Variants in ANO3 observed in about 807,000 individuals in gnomAD.
ANO3 encodes anoctamin 3, also known as anoctamin-3.
A neutral mutation model predicts 144.8 loss-of-function variants in ANO3; 99 were observed. The ratio of observed to expected loss-of-function variants is 0.68; its 90% CI spans 0.58 to 0.81. The LOEUF (loss-of-function observed/expected upper bound fraction) is 0.81, where lower values mean the gene tolerates loss of function less well. Ranked by LOEUF, ANO3 falls within the 30% of genes least tolerant of loss-of-function variation. ANO3 has a pLI of 0.00. For synonymous variants in ANO3, 414 were observed against 392.6 expected, an observed-to-expected ratio of 1.05 and a Z score of -0.64; for missense variants, 905 against 1,202.2, an observed-to-expected ratio of 0.75 and a Z score of 3.66.
At chr11:26,433,170 G>A (rs866636335) in intron 1 of ANO3, among the ~76,000 whole-genome samples, 8 of 152,092 alleles carry the variant, frequency 5.3e-5, no homozygotes, top group Non-Finnish European at 7.4e-5. Context: ...GAAAGGGATT[G>A]TGTTCCTGAT....
At chr11:26,392,237 GC>G (rs1198886389) in intron 1 of ANO3, among the ~76,000 whole-genome samples, 1 of 114,104 alleles carries the variant, frequency 8.8e-6, no homozygotes, top group Non-Finnish European at 1.7e-5. Context: ...GTGAATTCCT[GC>G]CTTTTTTTTT....
chr11:26,560,925 G>T, intron 14 of ANO3: 1 of 801,680 alleles, frequency 1.2e-6, no homozygotes, highest in Non-Finnish European at 1.9e-6. Context: ...CTACATTTCT[G>T]CTACTGGTCT....
chr11:26,523,176 A>T lies in ANO3; in HGVS notation c.693-2459A>T, dbSNP rs550682944. 1.6e-4 allele frequency among the ~76,000 whole-genome samples: 24 copies of T among 152,280 alleles called. No individual in the cohort carries two copies. The South Asian group carries it at 4.8e-3, about 30-fold the overall frequency. On this transcript the variant is annotated intron_variant, in intron 6 of 26. Transcript: ENST00000256737. ...CAGATCTCGTGAGAACTCACTCACT[A>T]TCATGAGAACAGCTTGGGGGAAACC...
intron 1 of ANO3, among the ~76,000 whole-genome samples, chr11:26,227,505 G>T (rs1301597587): frequency 1.3e-5 from 2 of 152,148 alleles, no homozygotes; most frequent in African/African-American, 2.4e-5. Context: ...ATTAGTAAAT[G>T]CTGTGAAACC....
intron 4 of ANO3, among the ~76,000 whole-genome samples, chr11:26,493,764 C>T (rs775952868): frequency 7.2e-5 from 11 of 152,020 alleles, no homozygotes; most frequent in Non-Finnish European, 1.0e-4. Flanking sequence ...CTTTCTCCTC[C>T]TCCTTCTTGT....
At chr11:26,355,483 G>T (rs930147106) in intron 1 of ANO3, among the ~76,000 whole-genome samples, 1 of 150,740 alleles carries the variant, frequency 6.6e-6, no homozygotes, top group Non-Finnish European at 1.5e-5. Flanking sequence ...TTCTCTGAAA[G>T]AACTCATTCA....
intron 14 of ANO3, chr11:26,565,623 T>G (rs766073557): frequency 1.2e-6 from 2 of 1,612,500 alleles, no homozygotes; most frequent in South Asian, 2.2e-5. Context: ...GTGGCTGTTG[T>G]TGGGTAGATT....
At chr11:26,375,614 T>C (rs1341994667) in intron 1 of ANO3, among the ~76,000 whole-genome samples, 3 of 152,204 alleles carry the variant, frequency 2.0e-5, no homozygotes, top group Non-Finnish European at 2.9e-5. Flanking sequence ...TAAACTCATG[T>C]GCTGATAGAA....
rs141914668 is a variant in ANO3 at position 26,374,770 on chromosome 11, G to C, written c.46+42449G>C. Among the ~76,000 whole-genome samples the C allele has an allele frequency of 3.3e-5, 5 of 152,304 alleles. 1 individual carries two copies. In the South Asian group the frequency reaches 1.0e-3, roughly 32 times the overall value. Reference sequence around the variant, plus strand: ...TTTTGTTTTGTTTTGTTTTGAGACAGTCTTGCTCTGTCACCCAGGCTGGAG... The same window carrying C: ...TTTTGTTTTGTTTTGTTTTGAGACACTCTTGCTCTGTCACCCAGGCTGGAG... On this transcript the variant is annotated intron_variant, in intron 1 of 26. Transcript: ENST00000256737.
At chr11:26,204,984 T>A (rs1375516850) in intron 1 of ANO3, among the ~76,000 whole-genome samples, 1 of 152,144 alleles carries the variant, frequency 6.6e-6, no homozygotes, top group Non-Finnish European at 1.5e-5. Context: ...TGGAAAGGCC[T>A]CAGGAAACTT....
chr11:26,367,597 G>A (rs1005452453), intron 1 of ANO3, among the ~76,000 whole-genome samples: 6 of 151,982 alleles, frequency 3.9e-5, no homozygotes, highest in African/African-American at 1.5e-4. Flanking sequence ...TTATATTAAT[G>A]CCCAACTCCT....
At chr11:26,610,647 C>G (rs1852073287) in intron 17 of ANO3, among the ~76,000 whole-genome samples, 2 of 152,068 alleles carry the variant, frequency 1.3e-5, no homozygotes, top group African/African-American at 4.8e-5. Context: ...TTAGTAGATT[C>G]ATAGTTTTAG....
chr11:26,456,796 T>C (rs1470307997), intron 3 of ANO3, among the ~76,000 whole-genome samples: 1 of 132,284 alleles, frequency 7.6e-6, no homozygotes, highest in Non-Finnish European at 1.6e-5. Context: ...TGCGGCACTA[T>C]TCACAATAGC....
At chr11:26,454,471 A>G (rs1185771000) in intron 3 of ANO3, among the ~76,000 whole-genome samples, 2 of 152,220 alleles carry the variant, frequency 1.3e-5, no homozygotes, top group African/African-American at 4.8e-5. Flanking sequence ...AAACTAGAAA[A>G]TCTAGAAGAA....
At chr11:26,361,145 G>A (rs1231434078) in intron 1 of ANO3, among the ~76,000 whole-genome samples, 1 of 152,146 alleles carries the variant, frequency 6.6e-6, no homozygotes, top group Admixed American at 6.5e-5. Context: ...TTAAAGCCTG[G>A]ATAATGAATA....
chr11:26,361,192 T>G (rs1286963874), intron 1 of ANO3, among the ~76,000 whole-genome samples: 1 of 152,188 alleles, frequency 6.6e-6, no homozygotes, highest in African/African-American at 2.4e-5. Flanking sequence ...AGATTCTTAA[T>G]AAGTATTTGT....
intron 4 of ANO3, among the ~76,000 whole-genome samples, chr11:26,475,332 G>A (rs1198322807): frequency 6.6e-6 from 1 of 151,712 alleles, no homozygotes; most frequent in Non-Finnish European, 1.5e-5. Context: ...CAGGTGTTTT[G>A]GATCCAATCT....
intron 6 of ANO3, among the ~76,000 whole-genome samples, chr11:26,523,279 G>C (rs1378786191): frequency 6.6e-6 from 1 of 152,206 alleles, no homozygotes; most frequent in Non-Finnish European, 1.5e-5. Flanking sequence ...GAAACACAAA[G>C]CCAAACCGTA....
At chr11:26,625,752 G>A (rs910805066) in intron 18 of ANO3, among the ~76,000 whole-genome samples, 18 of 151,988 alleles carry the variant, frequency 1.2e-4, no homozygotes, top group African/African-American at 4.1e-4. Flanking sequence ...CTCCAAACTA[G>A]ATGGGTTATT....
Sources: gnomAD v4.1 joint callset for allele counts (sites outside exome capture counted in the v4.1 genomes callset) on GRCh38, gnomAD v4.1.1 for gene constraint, MANE v1.5 for transcripts, NCBI Gene and HGNC (gene_info 2026-07-23, HGNC 2026-07-21) for gene names.